The following MAU2 variants were observed in gnomAD, a reference collection of about 807,000 sequenced individuals.
The protein encoded by MAU2 is MAU2 sister chromatid cohesion factor, also known as MAU2 chromatid cohesion factor homolog.
In MAU2, 9 loss-of-function variants were observed where a neutral mutation model predicts 89.1. The ratio of observed to expected loss-of-function variants is 0.10; its 90% confidence interval spans 0.06 to 0.18. The LOEUF (loss-of-function observed/expected upper bound fraction) is 0.18, where lower values mean the gene tolerates loss of function less well. Ranked by LOEUF, MAU2 falls within the 10% of genes least tolerant of loss-of-function variation. The probability of loss-of-function intolerance (pLI) is 1.00; values close to 1 mark genes in which losing one functional copy is unlikely to be tolerated. For synonymous variants in MAU2, 357 were observed against 343.4 expected (o/e 1.04, Z -0.44); for missense variants, 425 against 803.5 (o/e 0.53, Z 5.69).
chr19:19,341,880 C>T (rs1032947899), intron 7 of MAU2, among the ~76,000 whole-genome samples: 2 of 152,186 alleles, frequency 1.3e-5, no homozygotes, highest in Non-Finnish European at 2.9e-5. Flanking sequence ...AGCTCCTTGT[C>T]TCTGTGCTTG....
chr19:19,320,870 AG>A lies in MAU2; in HGVS notation c.13del (p.Ala5ArgfsTer90). 1 of 1,518,150 alleles carries A rather than the reference AG, an allele frequency of 6.6e-7. No individual in the cohort carries two copies. The highest frequency in any genetic ancestry group is 8.8e-7 in the Non-Finnish European group (1 of 1,140,150). 94.0% of individuals were successfully genotyped at this position (1,518,150 alleles called of 1,614,324 possible). A position where few individuals can be genotyped will look rare whatever the true frequency, so the allele number is the denominator to read the frequency against. On this transcript the variant is annotated frameshift_variant, in exon 1 of 19. Transcript: ENST00000262815. LOFTEE classifies it high-confidence loss of function. MAA[Q>X]AAAAAQAAAA... ...GTTGTGGAGGCCAAAATGGCGGCTC[AG>A]GCGGCGGCAGCGGCCCAGGCGGCGG... is the stretch of plus-strand genomic sequence containing the variant.
intron 1 of MAU2, among the ~76,000 whole-genome samples, chr19:19,328,629 G>T (rs2061530770): frequency 6.6e-6 from 1 of 151,966 alleles, no homozygotes; most frequent in African/African-American, 2.4e-5. Flanking sequence ...CACCATGTTA[G>T]CCAGGATGGT....
rs2048194091 is a variant in MAU2, at chr19:19,357,563, G to C, written c.*1781G>C. 1 of 152,680 alleles carries C rather than the reference G, an allele frequency of 6.5e-6. No individual in the cohort carries two copies. The highest frequency in any genetic ancestry group is 2.4e-5 in the African/African-American group (1 of 41,398). 9.5% of individuals were successfully genotyped at this position (152,680 alleles called of 1,614,324 possible). A position where few individuals can be genotyped will look rare whatever the true frequency, so the allele number is the denominator to read the frequency against. ...CTCATGTCACCACGGCGTGCATCATGTTCATCCCCATCTATTTATTTAAGC... is the reference window on the plus strand; with the variant it reads ...CTCATGTCACCACGGCGTGCATCATCTTCATCCCCATCTATTTATTTAAGC... On this transcript the variant is annotated 3_prime_UTR_variant, in exon 19 of 19. Coordinates refer to ENST00000262815, the MANE Select transcript of MAU2 (RefSeq NM_015329.4).
chr19:19,339,409 T>C (rs577752238), intron 5 of MAU2, among the ~76,000 whole-genome samples: 15 of 151,792 alleles, frequency 9.9e-5, no homozygotes, highest in African/African-American at 3.1e-4. Flanking sequence ...ATCATGCCAC[T>C]GTACTCCAGC....
chr19:19,332,049 CT>C (rs2061559431), intron 1 of MAU2, among the ~76,000 whole-genome samples: 1 of 152,266 alleles, frequency 6.6e-6, no homozygotes, highest in African/African-American at 2.4e-5. Context: ...ATGAACTCTA[CT>C]CATTATCCAA....
chr19:19,340,741 T>C, intron 5 of MAU2, 105 bp from the exon 6 acceptor site: 1 of 1,110,660 alleles, frequency 9.0e-7, no homozygotes, highest in Non-Finnish European at 1.3e-6. Flanking sequence ...CACTGAACTG[T>C]CCCCTGAGGT....
chr19:19,336,690 G>GGAAA (rs2061599385), intron 3 of MAU2, among the ~76,000 whole-genome samples: 1 of 152,126 alleles, frequency 6.6e-6, no homozygotes, highest in Admixed American at 6.5e-5. Context: ...TAAGACTGTT[G>GGAAA]GAAAGATCAG....
Position 19,339,006 on chromosome 19 carries a change from G to A in MAU2, c.551+67G>A, listed in dbSNP as rs369706886. On this transcript the variant is annotated intron_variant, in intron 5 of 18. Transcript: ENST00000262815. Reference sequence around the variant, plus strand: ...GGAGGGGCTTGGCCATCTTGGTCCAGGACAAATAACAGAAATGGCATTTCA... The same window carrying A: ...GGAGGGGCTTGGCCATCTTGGTCCAAGACAAATAACAGAAATGGCATTTCA... The A allele has an allele frequency of 1.1e-4, 143 of 1,287,550 alleles. 1 individual carries two copies. The highest frequency in any genetic ancestry group is 3.0e-5 in the Non-Finnish European group (28 of 920,740). The allele number at this position is 1,287,550 out of a possible 1,614,324, so 79.8% of individuals were successfully genotyped here. A position where few individuals can be genotyped will look rare whatever the true frequency, so the allele number is the denominator to read the frequency against.
chr19:19,343,927 C>T lies in MAU2; in HGVS notation c.1064C>T (p.Thr355Met), dbSNP rs749804769. 6.1e-5 allele frequency: 99 copies of T among 1,612,092 alleles called. No homozygotes were observed. In the East Asian group the frequency reaches 1.6e-3, roughly 26 times the overall value. The change falls in exon 10 of 19, where the codon ACG (threonine) becomes ATG (methionine). Residue 355 changes from threonine (T) to methionine (M), a missense_variant. Thr to Met is a moderately conservative substitution (Grantham distance 81). This residue lies in a region of MAU2 where 39 missense variants were observed against 56.3 expected (regional missense o/e 0.69). Transcript: ENST00000262815. ...CGCCTTGTCACGGGTCACAAGGCCA[C>T]GGCGCTGCAGGAGGTAAGGCTGGAA... ...MCRLVTGHKA[T>M]ALQEISQVCQ...
intron 17 of MAU2, chr19:19,354,753 C>A: frequency 2.2e-6 from 1 of 458,654 alleles, no homozygotes. Context: ...GAAAGGCAGA[C>A]AGCAGCCATA....
chr19:19,344,821 G>A, intron 10 of MAU2, 28 bp from the exon 11 acceptor site: 1 of 1,602,040 alleles, frequency 6.2e-7, no homozygotes, highest in East Asian at 2.2e-5. Context: ...TTGCAGTCCT[G>A]TGATGGCAGT....
chr19:19,349,615 A>G (rs2146704765), intron 16 of MAU2, among the ~76,000 whole-genome samples, 179 bp downstream of exon 16: 1 of 152,232 alleles, frequency 6.6e-6, no homozygotes, highest in South Asian at 2.1e-4. Context: ...GGAGCTGGGC[A>G]CCCACAGAGG....
At chr19:19,336,397 T>C (rs1182905833) in intron 3 of MAU2, among the ~76,000 whole-genome samples, 1 of 152,040 alleles carries the variant, frequency 6.6e-6, no homozygotes, top group Non-Finnish European at 1.5e-5. Flanking sequence ...ACTCCTGAGC[T>C]CAAGTGATCC....
chr19:19,326,696 A>T (rs1440119559), intron 1 of MAU2, among the ~76,000 whole-genome samples: 1 of 108,344 alleles, frequency 9.2e-6, no homozygotes, highest in Non-Finnish European at 2.0e-5. Flanking sequence ...AAAAAAATAT[A>T]TATATGTATA....
rs1358784060 is a variant in MAU2 at position 19,357,624 on chromosome 19, A to G, written c.*1842A>G. On this transcript the variant is annotated 3_prime_UTR_variant, in exon 19 of 19. Coordinates refer to ENST00000262815, the MANE Select transcript of MAU2 (RefSeq NM_015329.4). The stretch of plus-strand genomic sequence containing the variant: ...TTGTAGGGCATTTTGTATGTAGAGC[A>G]GTTGAAAACAGAACCTCAGAACTTA... The G allele has an allele frequency of 6.6e-6, 1 of 152,494 alleles. No individual in the cohort carries two copies. Among genetic ancestry groups the G allele is most frequent in the Admixed American group, 6.6e-5 (1 of 15,230 alleles). The allele number at this position is 152,494 out of a possible 1,614,324, so 9.4% of individuals were successfully genotyped here.
intron 1 of MAU2, among the ~76,000 whole-genome samples, chr19:19,327,212 C>T (rs192352204): frequency 1.2e-4 from 18 of 151,440 alleles, no homozygotes; most frequent in Non-Finnish European, 2.7e-4. Context: ...ACCTCTGCCT[C>T]TCAGGTTCAG....
chr19:19,334,260 T>G, intron 1 of MAU2: 1 of 985,520 alleles, frequency 1.0e-6, no homozygotes, highest in Non-Finnish European at 1.2e-6. Context: ...GAGCCCCTCC[T>G]GTCCGTGCCA....
chr19:19,334,208 A>G, intron 1 of MAU2: 2 of 981,074 alleles, frequency 2.0e-6, no homozygotes, highest in African/African-American at 3.6e-5. Context: ...CTGGGGCCAC[A>G]CTTCTGACGG....
rs35824797 is a variant in MAU2, at chr19:19,345,455, C to G, written c.1221+86C>G. The G allele has an allele frequency of 1.1e-5, 15 of 1,312,470 alleles. No homozygotes were observed. Among genetic ancestry groups the G allele is most frequent in the Non-Finnish European group, 1.5e-5 (14 of 918,768 alleles). The allele number at this position is 1,312,470 out of a possible 1,614,324, so 81.3% of individuals were successfully genotyped here. A position where few individuals can be genotyped will look rare whatever the true frequency, so the allele number is the denominator to read the frequency against. On this transcript the variant is annotated intron_variant, in intron 12 of 18. Transcript: ENST00000262815. The surrounding 1 kb of genome is among the most constrained non-coding windows in gnomAD (Gnocchi z 4.9). ...CGTGGTCTGTGATGAGGACAGCAGT[C>G]GCGCTAGGTCAGCTATGCAAAGCCG...
Sources: gnomAD v4.1 joint callset for allele counts (sites outside exome capture counted in the v4.1 genomes callset) on GRCh38, gnomAD v4.1.1 for gene constraint, gnomAD v4.1.1 regional missense constraint, Gnocchi (gnomAD v3.1) non-coding constraint, MANE v1.5 for transcripts, NCBI Gene and HGNC (gene_info 2026-07-23, HGNC 2026-07-21) for gene names.